The following CEP41 variants were observed in gnomAD, a reference collection of about 807,000 sequenced individuals.
The protein encoded by CEP41 is centrosomal protein 41.
A neutral mutation model predicts 44.3 loss-of-function variants in CEP41; 32 were observed. The observed-to-expected ratio is 0.72, with a 90% CI of 0.54 to 0.97. The LOEUF (loss-of-function observed/expected upper bound fraction) is 0.97, where lower values mean the gene tolerates loss of function less well. Ranked by LOEUF, CEP41 falls within the 50% of genes least tolerant of loss-of-function variation. The pLI is 0.00. For synonymous variants in CEP41, 151 were observed against 168.5 expected, an observed-to-expected ratio of 0.90 and a Z score of 0.80; for missense variants, 432 against 455.2, an observed-to-expected ratio of 0.95 and a Z score of 0.46.
At chr7:130,423,943 T>C (rs1025543304) in intron 2 of CEP41, among the ~76,000 whole-genome samples, 9 of 152,190 alleles carry the variant, frequency 5.9e-5, no homozygotes, top group African/African-American at 2.2e-4. Context: ...AGATTAGTGG[T>C]TACTCAACAT....
At chr7:130,436,782 C>T (rs1554426234) in intron 1 of CEP41, among the ~76,000 whole-genome samples, 1 of 152,060 alleles carries the variant, frequency 6.6e-6, no homozygotes, top group African/African-American at 2.4e-5. Flanking sequence ...ACCTGTAATC[C>T]CATCACTTTG....
chr7:130,402,570 T>C (rs1796884052), intron 7 of CEP41, 78 bp downstream of exon 7: 2 of 1,479,160 alleles, frequency 1.4e-6, no homozygotes, highest in Admixed American at 3.3e-5. Flanking sequence ...CCATGGGCTG[T>C]GGTTCCAGCC....
intron 5 of CEP41, among the ~76,000 whole-genome samples, chr7:130,407,690 A>G (rs1797056128): frequency 6.6e-6 from 1 of 152,226 alleles, no homozygotes; most frequent in Non-Finnish European, 1.5e-5. Flanking sequence ...ATCAAAATAC[A>G]TAACAGATGG....
chr7:130,397,762 T>G lies in CEP41; in HGVS notation c.*1129A>C, dbSNP rs1192422217. 2.2e-6 allele frequency: 1 copy of G among 449,532 alleles called. No individual in the cohort carries two copies. Among genetic ancestry groups the G allele is most frequent in the Non-Finnish European group, 4.5e-6 (1 of 223,620 alleles). 27.8% of individuals were successfully genotyped at this position (449,532 alleles called of 1,614,324 possible). A position where few individuals can be genotyped will look rare whatever the true frequency, so the allele number is the denominator to read the frequency against. On this transcript the variant is annotated 3_prime_UTR_variant, in exon 11 of 11. Coordinates refer to ENST00000223208, the MANE Select transcript of CEP41 (RefSeq NM_018718.3). The stretch of plus-strand genomic sequence containing the variant: ...TACCTGAGGCCTTTTGTTCCCCCAA[T>G]TAAATGGAATGAATGTCAGTCATTT...
intron 10 of CEP41, chr7:130,399,255 T>G: frequency 3.3e-6 from 2 of 598,442 alleles, no homozygotes; most frequent in Non-Finnish European, 2.9e-6. Context: ...GAAACCCAGA[T>G]AGGTTTTTTT....
chr7:130,423,138 G>C (rs1377910254), intron 2 of CEP41, among the ~76,000 whole-genome samples: 4 of 152,136 alleles, frequency 2.6e-5, no homozygotes, highest in Non-Finnish European at 5.9e-5. Context: ...AGTGGAGACA[G>C]GGTTTCACCG....
intron 1 of CEP41, among the ~76,000 whole-genome samples, chr7:130,429,143 A>G (rs1282688759): frequency 6.6e-6 from 1 of 152,048 alleles, no homozygotes; most frequent in Non-Finnish European, 1.5e-5. Flanking sequence ...GATTTTATCC[A>G]TCTCTCCCCT....
chr7:130,423,090 G>A (rs1554422616), intron 2 of CEP41, among the ~76,000 whole-genome samples: 1 of 152,150 alleles, frequency 6.6e-6, no homozygotes, highest in East Asian at 1.9e-4. Context: ...GGGACTACAG[G>A]TGCACGCTGC....
intron 3 of CEP41, among the ~76,000 whole-genome samples, chr7:130,415,286 A>T (rs1797300862): frequency 6.6e-6 from 1 of 152,220 alleles, no homozygotes; most frequent in Non-Finnish European, 1.5e-5. Context: ...GGTCTAGGGT[A>T]TCAAGAAACA....
chr7:130,422,088 A>G, intron 2 of CEP41: 1 of 1,502,276 alleles, frequency 6.7e-7, no homozygotes, highest in Non-Finnish European at 8.9e-7. Context: ...TTGAGTTCAT[A>G]TGAGAAGCAG....
At chr7:130,407,969 T>G (rs1797064334) in intron 5 of CEP41, among the ~76,000 whole-genome samples, 1 of 152,168 alleles carries the variant, frequency 6.6e-6, no homozygotes, top group Admixed American at 6.5e-5. Flanking sequence ...AGCTCTTTAA[T>G]ATAATGTGAA....
rs782512901 is a variant in CEP41, at chr7:130,394,452, T to G, written c.*4439A>C. On this transcript the variant is annotated 3_prime_UTR_variant, in exon 11 of 11. Coordinates refer to ENST00000223208, the MANE Select transcript of CEP41 (RefSeq NM_018718.3). ...ATTATTTTCTGGAAATCTTCAAGATTTGAAACAAAAGAGAAAACCTACTCT... is the reference window on the plus strand; with the variant it reads ...ATTATTTTCTGGAAATCTTCAAGATGTGAAACAAAAGAGAAAACCTACTCT... The G allele has an allele frequency of 4.0e-5, 18 of 454,008 alleles. 1 individual carries two copies. The highest frequency in any genetic ancestry group is 2.8e-4 in the South Asian group (18 of 64,484). The allele number at this position is 454,008 out of a possible 1,614,324, so 28.1% of individuals were successfully genotyped here.
intron 2 of CEP41, among the ~76,000 whole-genome samples, chr7:130,424,399 C>CAA (rs35053180): frequency 5.2e-5 from 5 of 96,566 alleles, no homozygotes; most frequent in African/African-American, 1.6e-4. Context: ...GACCCTGTCT[C>CAA]AAAAAAAAAA....
rs782271688 is a variant in CEP41 at position 130,441,005 on chromosome 7, C to G, written c.-39G>C. 6.2e-7 allele frequency: 1 copy of G among 1,609,298 alleles called. No individual in the cohort carries two copies. Among genetic ancestry groups the G allele is most frequent in the South Asian group, 1.1e-5 (1 of 91,030 alleles). ...GACCACGTTCGGGGTTCTAGCCTCA[C>G]GGGTTGCCTCTAACCCTAGCTTCCT... On this transcript the variant is annotated 5_prime_UTR_variant, in exon 1 of 11. Transcript: ENST00000223208.
upstream of CEP41, chr7:130,441,380 C>G (rs1347743644): frequency 8.3e-5 from 31 of 371,700 alleles, no homozygotes; most frequent in Non-Finnish European, 1.4e-4. Context: ...TCCCCATCCC[C>G]CAGCTCCGTT....
chr7:130,404,493 G>C, intron 6 of CEP41, 71 bp downstream of exon 6: 1 of 1,260,758 alleles, frequency 7.9e-7, no homozygotes, highest in Non-Finnish European at 1.2e-6. Context: ...AAAAAAAAAA[G>C]ATCCCTGAAA....
intron 1 of CEP41, among the ~76,000 whole-genome samples, chr7:130,430,384 T>C (rs1797788771): frequency 6.6e-6 from 1 of 151,888 alleles, no homozygotes; most frequent in African/African-American, 2.4e-5. Context: ...CACATCTTTA[T>C]CACCAACTCT....
rs1479559862 is a variant in CEP41, at chr7:130,395,800, G to T, written c.*3091C>A. ...CAGGAAAAATCCCTGAGCAACTAAT[G>T]AATGTTATTTGGTCTCTTTTCATTC... On this transcript the variant is annotated 3_prime_UTR_variant, in exon 11 of 11. Transcript: ENST00000223208. The T allele has an allele frequency of 2.2e-6, 1 of 452,908 alleles. No homozygotes were observed. The highest frequency in any genetic ancestry group is 4.4e-6 in the Non-Finnish European group (1 of 226,682). 28.1% of individuals were successfully genotyped at this position (452,908 alleles called of 1,614,324 possible). A position where few individuals can be genotyped will look rare whatever the true frequency, so the allele number is the denominator to read the frequency against.
In CEP41 at chr7:130,398,543, AG is replaced by A. The variant is rs1554415873; in HGVS notation, c.*347del. 2.1e-6 allele frequency: 1 copy of A among 468,712 alleles called. No individual in the cohort carries two copies. Among genetic ancestry groups the A allele is most frequent in the South Asian group, 1.5e-5 (1 of 64,628 alleles). The allele number at this position is 468,712 out of a possible 1,614,324, so 29.0% of individuals were successfully genotyped here. A position where few individuals can be genotyped will look rare whatever the true frequency, so the allele number is the denominator to read the frequency against. On this transcript the variant is annotated 3_prime_UTR_variant, in exon 11 of 11. Transcript: ENST00000223208. ...GACTGAAGTATTTACAAAACAACAC[AG>A]AGAGACCCAACAAGCTGGACCTTAT... is the stretch of plus-strand genomic sequence containing the variant.
Sources: gnomAD v4.1 joint callset for allele counts (sites outside exome capture counted in the v4.1 genomes callset) on GRCh38, gnomAD v4.1.1 for gene constraint, MANE v1.5 for transcripts, NCBI Gene and HGNC (gene_info 2026-07-23, HGNC 2026-07-21) for gene names.